Variants in DMD observed in about 807,000 individuals in gnomAD.
DMD encodes dystrophin.
DMD carries 63 observed loss-of-function variants against 330.1 expected under a neutral mutation model. The observed-to-expected ratio is 0.19, with a 90% confidence interval of 0.16 to 0.24. The LOEUF (loss-of-function observed/expected upper bound fraction) is 0.24, where lower values mean the gene tolerates loss of function less well. Among genes scored for constraint, DMD ranks in the 10% least tolerant of loss-of-function variants. The probability of loss-of-function intolerance (pLI) is 1.00; values close to 1 mark genes in which losing one functional copy is unlikely to be tolerated. For missense variants in DMD, 3,344 were observed against 2,684.1 expected (o/e 1.25, Z -5.43); for synonymous variants, 1,223 against 959.8 (o/e 1.27, Z -5.07).
intron 55 of DMD, among the ~76,000 whole-genome samples, chrX:31,603,849 T>C (rs181453376): frequency 4.6e-4 from 51 of 111,936 alleles, no homozygotes; most frequent in African/African-American, 1.1e-3. Context: ...TGGTGGCTTC[T>C]GTTTACAACA....
At chrX:32,318,492 A>G (rs1257029791) in intron 41 of DMD, among the ~76,000 whole-genome samples, 1 of 111,494 alleles carries the variant, frequency 9.0e-6, no homozygotes, top group Non-Finnish European at 1.9e-5. Flanking sequence ...GGGTAGAAAG[A>G]TGTTGAATAA....
intron 18 of DMD, among the ~76,000 whole-genome samples, chrX:32,511,294 C>A (rs1414149758): frequency 9.1e-6 from 1 of 110,130 alleles, no homozygotes; most frequent in African/African-American, 3.3e-5. Context: ...GAGGCCAAGG[C>A]AGGTGGATCA....
intron 43 of DMD, among the ~76,000 whole-genome samples, chrX:32,220,234 A>T (rs2147890371): frequency 8.9e-6 from 1 of 111,750 alleles, no homozygotes; most frequent in Non-Finnish European, 1.9e-5. Context: ...GTCTCCTCGT[A>T]TAATCCAAAC....
intron 1 of DMD, among the ~76,000 whole-genome samples, chrX:33,143,803 C>A (rs2047907319): frequency 9.0e-6 from 1 of 111,595 alleles, no homozygotes; most frequent in African/African-American, 3.3e-5. Flanking sequence ...TAACTTTGTA[C>A]ACATTTCTCT....
intron 55 of DMD, among the ~76,000 whole-genome samples, chrX:31,617,996 T>G (rs765469445): frequency 9.0e-6 from 1 of 111,250 alleles, no homozygotes; most frequent in Non-Finnish European, 1.9e-5. Context: ...TACCATATAT[T>G]CTCACTTATA....
intron 48 of DMD, among the ~76,000 whole-genome samples, chrX:31,867,678 T>C (rs969228220): frequency 1.8e-5 from 2 of 111,535 alleles, no homozygotes; most frequent in Non-Finnish European, 3.8e-5. Context: ...GACTAGGTTA[T>C]AGTTGTATGG....
At chrX:31,309,181 A>G (rs749757129) in intron 62 of DMD, among the ~76,000 whole-genome samples, 1 of 112,221 alleles carries the variant, frequency 8.9e-6, no homozygotes, top group Non-Finnish European at 1.9e-5. Context: ...GCAAAGATGC[A>G]TAAGGCACAA....
intron 54 of DMD, among the ~76,000 whole-genome samples, chrX:31,651,156 TA>T (rs1259037000): frequency 1.8e-5 from 2 of 111,760 alleles, no homozygotes; most frequent in Non-Finnish European, 3.8e-5. Context: ...TAGAGACAAT[TA>T]AGTTAGACAA....
chrX:32,770,035 T>G (rs1011736420), intron 7 of DMD, among the ~76,000 whole-genome samples: 3 of 111,731 alleles, frequency 2.7e-5, no homozygotes, highest in Non-Finnish European at 5.6e-5. Context: ...GAGGAAACCC[T>G]TTTGTGGTTC....
intron 27 of DMD, among the ~76,000 whole-genome samples, chrX:32,446,161 AC>A (rs2098303204): frequency 1.8e-5 from 2 of 111,078 alleles, no homozygotes; most frequent in Admixed American, 1.9e-4. Flanking sequence ...ACAATGCAGA[AC>A]CACTAAAGAA....
intron 44 of DMD, among the ~76,000 whole-genome samples, chrX:32,045,518 G>A (rs1352602117): frequency 9.1e-6 from 1 of 109,780 alleles, no homozygotes; most frequent in Non-Finnish European, 1.9e-5. Context: ...ATCATGAATC[G>A]ATTAAAGCTC....
intron 7 of DMD, among the ~76,000 whole-genome samples, chrX:32,795,742 G>A (rs1445011800): frequency 9.0e-6 from 1 of 111,505 alleles, no homozygotes; most frequent in Non-Finnish European, 1.9e-5. Context: ...TAGGAAATAC[G>A]AGGATCCCAA....
intron 2 of DMD, among the ~76,000 whole-genome samples, chrX:32,984,112 C>T (rs1307408981): frequency 9.0e-6 from 1 of 111,459 alleles, no homozygotes; most frequent in Non-Finnish European, 1.9e-5. Flanking sequence ...ATAATTAATA[C>T]ACATAGTTCA....
At chrX:32,898,649 C>A (rs1181017995) in intron 2 of DMD, among the ~76,000 whole-genome samples, 1 of 111,737 alleles carries the variant, frequency 8.9e-6, no homozygotes, top group Non-Finnish European at 1.9e-5. Context: ...GGGGTGGTAA[C>A]TTCTGGGTTA....
chrX:33,018,612 C>G, intron 2 of DMD, among the ~76,000 whole-genome samples: 1 of 88,932 alleles, frequency 1.1e-5, no homozygotes, highest in East Asian at 3.7e-4. Context: ...AAAAATTACT[C>G]TAGTTCAATT....
chrX:31,569,723 A>T (rs1381042285), intron 55 of DMD, among the ~76,000 whole-genome samples: 1 of 104,119 alleles, frequency 9.6e-6, no homozygotes, highest in Admixed American at 1.0e-4. Flanking sequence ...TGTAACTAAC[A>T]TCTTACTAAT....
intron 7 of DMD, among the ~76,000 whole-genome samples, chrX:32,769,694 A>G (rs1304871352): frequency 9.0e-6 from 1 of 111,419 alleles, no homozygotes; most frequent in Non-Finnish European, 1.9e-5. Context: ...TTGGAAAGAT[A>G]TAAGAGCAGA....
intron 41 of DMD, among the ~76,000 whole-genome samples, chrX:32,319,981 T>A (rs759218967): frequency 9.0e-6 from 1 of 110,917 alleles, no homozygotes; most frequent in African/African-American, 3.3e-5. Context: ...TTTTTGTATG[T>A]TGACAAGCAA....
intron 60 of DMD, among the ~76,000 whole-genome samples, chrX:31,407,274 C>T (rs112672501): frequency 9.1e-6 from 1 of 110,492 alleles, no homozygotes; most frequent in Non-Finnish European, 1.9e-5. Context: ...AAGCAATTCT[C>T]CTGCCTCAGC....
Sources: allele counts gnomAD v4.1 joint callset (sites outside exome capture counted in the v4.1 genomes callset), GRCh38; gene constraint gnomAD v4.1.1; transcripts MANE v1.5; gene names NCBI Gene and HGNC (gene_info 2026-07-23, HGNC 2026-07-21).